KANK1: variants seen among roughly 807,000 people sequenced by gnomAD.
The protein encoded by KANK1 is KN motif and ankyrin repeat domain-containing protein 1.
A neutral mutation model predicts 106.2 loss-of-function variants in KANK1; 109 were observed. The observed-to-expected ratio is 1.03, with a 90% CI of 0.88 to 1.20. The LOEUF is 1.20. KANK1 is among the 50% of genes most tolerant of loss of function. KANK1 has a pLI of 0.00. For synonymous variants in KANK1, 873 were observed against 652.2 expected, an observed-to-expected ratio of 1.34 and a Z score of -5.16; for missense variants, 2,399 against 1,710.7, an observed-to-expected ratio of 1.40 and a Z score of -7.10.
intron 1 of KANK1, among the ~76,000 whole-genome samples, chr9:626,745 A>G (rs972131438): frequency 6.6e-6 from 1 of 152,256 alleles, no homozygotes; most frequent in Non-Finnish European, 1.5e-5. Context: ...TGCTTAAACA[A>G]GCACACAGTA....
intron 1 of KANK1, among the ~76,000 whole-genome samples, chr9:606,510 C>G (rs1290880346): frequency 6.8e-6 from 1 of 146,876 alleles, no homozygotes; most frequent in Non-Finnish European, 1.5e-5. Context: ...GAGCTGAGAT[C>G]CCGCCATTGT....
chr9:628,470 G>A (rs908721713), intron 1 of KANK1, among the ~76,000 whole-genome samples: 1 of 152,166 alleles, frequency 6.6e-6, no homozygotes, highest in Non-Finnish European at 1.5e-5. Flanking sequence ...TCTGAAATCA[G>A]TATACATCTT....
intron 1 of KANK1, among the ~76,000 whole-genome samples, chr9:591,878 C>G (rs1192699889): frequency 6.6e-6 from 1 of 151,700 alleles, no homozygotes; most frequent in Non-Finnish European, 1.5e-5. Context: ...AGGCTGATCT[C>G]AAACTCCTGA....
intron 1 of KANK1, among the ~76,000 whole-genome samples, chr9:519,208 G>C (rs1484768654): frequency 6.6e-6 from 1 of 151,540 alleles, no homozygotes; most frequent in Non-Finnish European, 1.5e-5. Context: ...CTTTTACTAG[G>C]CACCTTATAA....
intron 1 of KANK1, among the ~76,000 whole-genome samples, chr9:648,230 T>C (rs1047656696): frequency 4.2e-5 from 6 of 143,080 alleles, no homozygotes; most frequent in Non-Finnish European, 2.9e-5. Flanking sequence ...TCTCAATCTC[T>C]TGACCCTGTG....
At chr9:528,694 G>T (rs1291427837) in intron 1 of KANK1, among the ~76,000 whole-genome samples, 1 of 151,876 alleles carries the variant, frequency 6.6e-6, no homozygotes, top group Non-Finnish European at 1.5e-5. Context: ...CACCATGTTG[G>T]CCAGGCTGGT....
chr9:551,232 A>G (rs927789274), intron 1 of KANK1, among the ~76,000 whole-genome samples: 3 of 151,460 alleles, frequency 2.0e-5, no homozygotes, highest in African/African-American at 4.9e-5. Context: ...AATAAGGGCA[A>G]GCAGAAGACA....
intron 10 of KANK1, among the ~76,000 whole-genome samples, chr9:744,205 A>C (rs918744330): frequency 3.3e-5 from 5 of 150,888 alleles, no homozygotes; most frequent in African/African-American, 9.7e-5. Context: ...GAAGAAAAAA[A>C]AACTTTCTAT....
chr9:713,611 AAG>A, intron 3 of KANK1, 147 bp downstream of exon 3: 1 of 880,994 alleles, frequency 1.1e-6, no homozygotes, highest in Non-Finnish European at 1.6e-6. Flanking sequence ...AATGAAAACT[AAG>A]AATCAAAATC....
At chr9:728,190 TTTTG>T (rs912901238) in intron 3 of KANK1, among the ~76,000 whole-genome samples, 4 of 152,122 alleles carry the variant, frequency 2.6e-5, no homozygotes, top group African/African-American at 9.7e-5. Context: ...TCTTTTTTTG[TTTTG>T]TTTCTTTTGT....
At chr9:504,994 G>C (rs1372806547) in intron 1 of KANK1, among the ~76,000 whole-genome samples, 1 of 151,412 alleles carries the variant, frequency 6.6e-6, no homozygotes, top group East Asian at 1.9e-4. Flanking sequence ...TCGGCCCCGC[G>C]GCCGTCGGAG....
At chr9:641,792 C>G (rs1838499928) in intron 1 of KANK1, among the ~76,000 whole-genome samples, 1 of 152,164 alleles carries the variant, frequency 6.6e-6, no homozygotes, top group South Asian at 2.1e-4. Context: ...GAAATTCATA[C>G]ATTTTGGTTT....
intron 1 of KANK1, among the ~76,000 whole-genome samples, chr9:527,203 C>T (rs1049976555): frequency 3.3e-5 from 5 of 151,806 alleles, no homozygotes; most frequent in Non-Finnish European, 4.4e-5. Context: ...GTTTCCAGGC[C>T]GTTCTGTACC....
intron 1 of KANK1, among the ~76,000 whole-genome samples, chr9:642,467 C>G (rs568639083): frequency 6.6e-6 from 1 of 150,908 alleles, no homozygotes; most frequent in South Asian, 2.1e-4. Context: ...AGCTGGCAGG[C>G]CTGGTTTTGA....
At chr9:728,964 T>C (rs1331021823) in intron 3 of KANK1, among the ~76,000 whole-genome samples, 2 of 152,208 alleles carry the variant, frequency 1.3e-5, no homozygotes, top group Non-Finnish European at 2.9e-5. Flanking sequence ...CTAAAATGTA[T>C]AAAATTAAGC....
rs1473647214 is a variant in KANK1, at chr9:710,721, C to G, written c.38-83C>G. On this transcript the variant is annotated intron_variant, in intron 2 of 11. Transcript: ENST00000382297. ...CAACTCTTAAAATCATACCAGCTTG[C>G]TGTACTGCAACAAACACAAATATTA... is the stretch of plus-strand genomic sequence containing the variant. 3.9e-6 allele frequency: 5 copies of G among 1,292,370 alleles called. No homozygotes were observed. The African/African-American group carries it at 6.0e-5, about 15-fold the overall frequency. The allele number at this position is 1,292,370 out of a possible 1,614,324, so 80.1% of individuals were successfully genotyped here.
At chr9:580,960 G>A (rs990736454) in intron 1 of KANK1, among the ~76,000 whole-genome samples, 2 of 152,196 alleles carry the variant, frequency 1.3e-5, no homozygotes, top group African/African-American at 2.4e-5. Flanking sequence ...GCGCAGCGCT[G>A]GCAGGCTGAC....
intron 2 of KANK1, among the ~76,000 whole-genome samples, chr9:678,833 T>C (rs1450945255): frequency 6.6e-6 from 1 of 152,096 alleles, no homozygotes; most frequent in African/African-American, 2.4e-5. Context: ...GGGTTTTAAT[T>C]CCCTCTGATG....
intron 1 of KANK1, among the ~76,000 whole-genome samples, chr9:619,741 T>G (rs1331197625): frequency 6.6e-6 from 1 of 152,198 alleles, no homozygotes; most frequent in Non-Finnish European, 1.5e-5. Context: ...ATTAAGATGT[T>G]GAAACATTAA....
Sources: gnomAD v4.1 joint callset for allele counts (sites outside exome capture counted in the v4.1 genomes callset) on GRCh38, gnomAD v4.1.1 for gene constraint, MANE v1.5 for transcripts, NCBI Gene and HGNC (gene_info 2026-07-23, HGNC 2026-07-21) for gene names.